Variants in TMEM181 observed in about 807,000 individuals in gnomAD.
The protein encoded by TMEM181 is G protein-coupled receptor 178.
TMEM181 carries 39 observed loss-of-function variants against 71.9 expected under a neutral mutation model. The observed-to-expected ratio is 0.54, with a 90% CI of 0.42 to 0.71. The LOEUF (loss-of-function observed/expected upper bound fraction) is 0.71. Among genes scored for constraint, TMEM181 ranks in the 30% least tolerant of loss-of-function variants. TMEM181 has a pLI of 0.00. For missense variants in TMEM181, 595 were observed against 583.0 expected (o/e 1.02, Z -0.21); for synonymous variants, 245 against 228.8 (o/e 1.07, Z -0.64).
chr6:158,536,697 G>A (rs1395020147), exon 1 of TMEM181: 1 of 1,554,836 alleles, frequency 6.4e-7, no homozygotes, highest in Admixed American at 1.8e-5. Context: ...GACACAAAGG[G>A]TGGAGCGGCG....
intron 2 of TMEM181, among the ~76,000 whole-genome samples, chr6:158,580,286 C>T (rs148997415): frequency 3.3e-3 from 500 of 151,626 alleles, no homozygotes; most frequent in African/African-American, 0.011. Flanking sequence ...GCTGAGACTG[C>T]GCTATTGCAC....
chr6:158,610,258 T>C, intron 10 of TMEM181: 1 of 266,070 alleles, frequency 3.8e-6, no homozygotes, highest in Non-Finnish European at 7.9e-6. Flanking sequence ...AAGATTTCTT[T>C]CCTGACTCTT....
chr6:158,609,772 G>T, intron 10 of TMEM181: 1 of 255,232 alleles, frequency 3.9e-6, no homozygotes, highest in South Asian at 5.8e-5. Flanking sequence ...CTAGATCTTT[G>T]ACTCTGGCAG....
rs1785082590 is a variant in TMEM181, at chr6:158,608,387, A to G, written c.728A>G (p.Asp243Gly). 1 of 1,614,152 alleles carries G rather than the reference A, an allele frequency of 6.2e-7. No homozygotes were observed. The highest frequency in any genetic ancestry group is 8.5e-7 in the Non-Finnish European group (1 of 1,180,030). ...LVNSWLPGML[D>G]DLFQSMFLCA... ...AACAGCTGGCTCCCAGGGATGCTGG[A>G]TGACCTCTTTCAGTCCATGTTCCTG... Residue 243 changes from aspartate (D) to glycine (G), a missense_variant, in exon 9 of 17, where the codon GAT (aspartate) becomes GGT (glycine). Asp to Gly is a moderately conservative substitution (Grantham distance 94). Transcript: ENST00000684151.
chr6:158,581,618 G>A (rs1370958576), intron 3 of TMEM181, among the ~76,000 whole-genome samples: 2 of 151,844 alleles, frequency 1.3e-5, no homozygotes, highest in African/African-American at 4.8e-5. Flanking sequence ...GCTGGGCGTG[G>A]TGGGGGGGCG....
In TMEM181 at chr6:158,560,200, G is replaced by T. The variant is rs1014478723; in HGVS notation, c.-25G>T. ...CTGGCGGGCTCGGGACGCGCGGGCC[G>T]GGGCCGAGGGCTCTGGGCGCCGAGA... On this transcript the variant is annotated 5_prime_UTR_variant, in exon 1 of 17. Coordinates refer to ENST00000684151, the MANE Select transcript of TMEM181 (RefSeq NM_001376852.1). 1.0e-6 allele frequency: 1 copy of T among 984,784 alleles called. No individual in the cohort carries two copies. Among genetic ancestry groups the T allele is most frequent in the Non-Finnish European group, 1.2e-6 (1 of 829,744 alleles). The allele number at this position is 984,784 out of a possible 1,614,324, so 61.0% of individuals were successfully genotyped here.
chr6:158,602,125 T>C lies in TMEM181; in HGVS notation c.493-3142T>C, dbSNP rs559394735. On this transcript the variant is annotated intron_variant, in intron 6 of 16. Coordinates refer to ENST00000684151, the MANE Select transcript of TMEM181 (RefSeq NM_001376852.1). The stretch of plus-strand genomic sequence containing the variant: ...TCCCTGGGAAGTCACTGATCTGTTA[T>C]TTGCATTTTTTTGAGAATTTTATGT... 3.7e-4 allele frequency among the ~76,000 whole-genome samples: 57 copies of C among 152,332 alleles called. 1 individual carries two copies. The Middle Eastern group carries it at 0.014, about 36-fold the overall frequency.
At chr6:158,608,541 A>C in intron 9 of TMEM181, 78 bp downstream of exon 9, 1 of 1,609,686 alleles carries the variant, frequency 6.2e-7, no homozygotes, top group South Asian at 1.1e-5. Context: ...ACAGCCCAGA[A>C]AGGTGAATTT....
chr6:158,613,284 A>G (rs1351118168), intron 10 of TMEM181, among the ~76,000 whole-genome samples: 1 of 152,230 alleles, frequency 6.6e-6, no homozygotes, highest in African/African-American at 2.4e-5. Context: ...ATTTTTATTA[A>G]AAGACAAATC....
chr6:158,549,952 CTTTTTTTTTT>C (rs34066198), intron 1 of TMEM181, among the ~76,000 whole-genome samples: 1 of 110,860 alleles, frequency 9.0e-6, no homozygotes, highest in East Asian at 2.7e-4. Flanking sequence ...TTTGTCAGGA[CTTTTTTTTTT>C]TTTTTTTTTT....
chr6:158,539,196 A>G (rs1461945344), intron 1 of TMEM181, among the ~76,000 whole-genome samples: 1 of 152,192 alleles, frequency 6.6e-6, no homozygotes, highest in African/African-American at 2.4e-5. Context: ...GCCCCCCGCC[A>G]TGAGCACAAG....
intron 7 of TMEM181, 131 bp downstream of exon 7, chr6:158,605,478 C>A: frequency 1.2e-6 from 1 of 817,720 alleles, no homozygotes; most frequent in Non-Finnish European, 2.1e-6. Flanking sequence ...GTGGGCTGTG[C>A]TGATATTACA....
rs772873330 is a variant in TMEM181 at position 158,625,100 on chromosome 6, C to G, written c.955-4C>G. 3.7e-6 allele frequency: 6 copies of G among 1,612,528 alleles called. No individual in the cohort carries two copies. The highest frequency in any genetic ancestry group is 4.2e-6 in the Non-Finnish European group (5 of 1,178,618). On this transcript the variant is annotated splice_region_variant and splice_polypyrimidine_tract_variant and intron_variant, in intron 11 of 16. Coordinates refer to ENST00000684151, the MANE Select transcript of TMEM181 (RefSeq NM_001376852.1). ...GACTCAAGTGCTGCCTTGTGTCCTCCTAGGGAATGAAGGTCTTCTTCATGG... is the reference window on the plus strand; with the variant it reads ...GACTCAAGTGCTGCCTTGTGTCCTCGTAGGGAATGAAGGTCTTCTTCATGG...
chr6:158,619,681 C>T (rs1785840694), intron 10 of TMEM181, among the ~76,000 whole-genome samples: 2 of 151,966 alleles, frequency 1.3e-5, no homozygotes, highest in Non-Finnish European at 2.9e-5. Context: ...CCATCCTGGC[C>T]AACATGGTGA....
At position 158,632,258 on chromosome 6, in the gene TMEM181, T is replaced by G. The variant is rs1786707291; in HGVS notation, c.*370T>G. 4.2e-6 allele frequency: 1 copy of G among 236,346 alleles called. No individual in the cohort carries two copies. Among genetic ancestry groups the G allele is most frequent in the Non-Finnish European group, 8.6e-6 (1 of 116,282 alleles). The allele number at this position is 236,346 out of a possible 1,614,324, so 14.6% of individuals were successfully genotyped here. ...AGTTCACGGGCAGCCTGTGACTAGG[T>G]CCTCAGCGTGACAGCATCACCCTCT... is the stretch of plus-strand genomic sequence containing the variant. On this transcript the variant is annotated 3_prime_UTR_variant, in exon 17 of 17. Coordinates refer to ENST00000684151, the MANE Select transcript of TMEM181 (RefSeq NM_001376852.1).
intron 13 of TMEM181, 47 bp from the exon 14 acceptor site, chr6:158,628,360 GT>G: frequency 6.3e-7 from 1 of 1,582,128 alleles, no homozygotes; most frequent in South Asian, 1.1e-5. Flanking sequence ...AGCTAGTGCC[GT>G]TTTCGTGCAT....
Position 158,607,312 on chromosome 6 carries a change from T to TAGA in TMEM181, c.642_643insAGA (p.Ser214_Val215insArg). ...GGGGCATCGAGCAGAAGTGGATGTC[T>TAGA]GTTCTCCTGCCTCTGCTGCTACTTT... On this transcript the variant is annotated inframe_insertion, in exon 8 of 17. Coordinates refer to ENST00000684151, the MANE Select transcript of TMEM181 (RefSeq NM_001376852.1). The TAGA allele has an allele frequency of 2.5e-6, 4 of 1,614,226 alleles. No homozygotes were observed. Among genetic ancestry groups the TAGA allele is most frequent in the Non-Finnish European group, 3.4e-6 (4 of 1,180,030 alleles).
intron 10 of TMEM181, among the ~76,000 whole-genome samples, chr6:158,619,599 G>A (rs912941089): frequency 3.3e-5 from 5 of 152,034 alleles, no homozygotes; most frequent in African/African-American, 7.2e-5. Flanking sequence ...GGCCAGGCGC[G>A]GTGGCTCACG....
rs916587960 is a variant in TMEM181 at position 158,634,655 on chromosome 6, AG to A, written c.*2769del. The A allele has an allele frequency of 1.4e-4, 21 of 152,320 alleles. No individual in the cohort carries two copies. The highest frequency in any genetic ancestry group is 4.8e-4 in the African/African-American group (20 of 41,572). 9.4% of individuals were successfully genotyped at this position (152,320 alleles called of 1,614,324 possible). A position where few individuals can be genotyped will look rare whatever the true frequency, so the allele number is the denominator to read the frequency against. ...TTCTCTCTCTTAAGCCCCATTTGAAAGGCTAGAGAAGGGGATATATATACTA... is the reference window on the plus strand; with the variant it reads ...TTCTCTCTCTTAAGCCCCATTTGAAAGCTAGAGAAGGGGATATATATACTA... On this transcript the variant is annotated 3_prime_UTR_variant, in exon 17 of 17. Transcript: ENST00000684151.
Sources: allele counts gnomAD v4.1 joint callset (sites outside exome capture counted in the v4.1 genomes callset), GRCh38; gene constraint gnomAD v4.1.1; transcripts MANE v1.5; gene names NCBI Gene and HGNC (gene_info 2026-07-23, HGNC 2026-07-21).